Variants in DPYD observed in about 807,000 individuals in gnomAD.
The protein encoded by DPYD is dihydropyrimidine dehydrogenase, also known as dihydropyrimidine dehydrogenase [NADP(+)].
A neutral mutation model predicts 116.2 loss-of-function variants in DPYD; 109 were observed. The ratio of observed to expected loss-of-function variants is 0.94; its 90% CI spans 0.80 to 1.10. The LOEUF is 1.10. DPYD is among the 50% of genes least tolerant of loss of function. The probability of loss-of-function intolerance (pLI) is 0.00; values close to 1 mark genes in which losing one functional copy is unlikely to be tolerated. For synonymous variants in DPYD, 440 were observed against 432.0 expected (o/e 1.02, Z -0.23); for missense variants, 1,302 against 1,254.5 (o/e 1.04, Z -0.57).
chr1:97,453,780 G>A (rs1047863249), intron 13 of DPYD, among the ~76,000 whole-genome samples: 2 of 151,930 alleles, frequency 1.3e-5, no homozygotes, highest in Non-Finnish European at 2.9e-5. Context: ...TCTACGATGT[G>A]GTGTTAAACT....
chr1:97,723,222 A>T (rs1159285911), intron 4 of DPYD, among the ~76,000 whole-genome samples: 1 of 151,612 alleles, frequency 6.6e-6, no homozygotes, highest in Admixed American at 6.6e-5. Context: ...GCCATGTAAG[A>T]ATGGTTCTTC....
At chr1:97,866,903 G>A (rs1355078460) in intron 2 of DPYD, among the ~76,000 whole-genome samples, 1 of 151,852 alleles carries the variant, frequency 6.6e-6, no homozygotes, top group Non-Finnish European at 1.5e-5. Flanking sequence ...CCAGAAGACA[G>A]TGACTAGGAG....
intron 11 of DPYD, among the ~76,000 whole-genome samples, chr1:97,549,989 A>G (rs1287968632): frequency 1.3e-5 from 2 of 152,208 alleles, no homozygotes; most frequent in African/African-American, 2.4e-5. Context: ...TCAATGTTTC[A>G]GAGCGGACAT....
intron 12 of DPYD, among the ~76,000 whole-genome samples, chr1:97,525,892 G>C (rs1288972389): frequency 7.1e-6 from 1 of 140,176 alleles, no homozygotes; most frequent in African/African-American, 2.6e-5. Context: ...GTGTGCGCGC[G>C]CGCGTGTGTG....
intron 8 of DPYD, among the ~76,000 whole-genome samples, chr1:97,657,118 C>A (rs1244632860): frequency 6.6e-6 from 1 of 152,002 alleles, no homozygotes; most frequent in African/African-American, 2.4e-5. Context: ...CAGGTGCAAG[C>A]CACTGCACCC....
chr1:97,751,409 C>G (rs780424246), intron 3 of DPYD, among the ~76,000 whole-genome samples: 1 of 75,082 alleles, frequency 1.3e-5, no homozygotes, highest in Non-Finnish European at 2.8e-5. Context: ...TACATATATA[C>G]GTGTATATAT....
At chr1:97,917,352 A>G (rs1369627738) in intron 1 of DPYD, among the ~76,000 whole-genome samples, 1 of 152,162 alleles carries the variant, frequency 6.6e-6, no homozygotes, top group Admixed American at 6.5e-5. Context: ...TTTTTTTGCC[A>G]TCTCTGCCAA....
intron 8 of DPYD, among the ~76,000 whole-genome samples, chr1:97,664,383 A>G (rs1314304962): frequency 2.0e-5 from 3 of 151,988 alleles, no homozygotes; most frequent in African/African-American, 7.2e-5. Context: ...CAAAACATAT[A>G]TATGTGTGTG....
At chr1:97,323,533 T>C (rs1051227265) in intron 16 of DPYD, among the ~76,000 whole-genome samples, 22 of 123,374 alleles carry the variant, frequency 1.8e-4, no homozygotes, top group Admixed American at 2.4e-4. Flanking sequence ...CACATATATA[T>C]ACATATCATA....
chr1:97,298,465 T>C (rs1488203714), intron 18 of DPYD, among the ~76,000 whole-genome samples: 1 of 151,896 alleles, frequency 6.6e-6, no homozygotes, highest in Non-Finnish European at 1.5e-5. Flanking sequence ...TAAATAAAAA[T>C]ATTTTTCTTT....
intron 19 of DPYD, among the ~76,000 whole-genome samples, chr1:97,230,048 A>G (rs1009428016): frequency 2.0e-5 from 3 of 152,230 alleles, no homozygotes; most frequent in Non-Finnish European, 2.9e-5. Flanking sequence ...CAAGCAGTCA[A>G]TACATGGGGT....
intron 2 of DPYD, among the ~76,000 whole-genome samples, chr1:97,845,087 C>T (rs116072346): frequency 0.014 from 2,131 of 152,290 alleles, 20 homozygotes; most frequent in Non-Finnish European, 0.021. Context: ...CACAAATAGC[C>T]TGGGCACTGT....
chr1:97,642,871 T>C (rs1479465624), intron 8 of DPYD, among the ~76,000 whole-genome samples: 2 of 150,934 alleles, frequency 1.3e-5, no homozygotes, highest in East Asian at 1.9e-4. Context: ...CCCTAAAACT[T>C]GAAGTATAAT....
intron 13 of DPYD, among the ~76,000 whole-genome samples, chr1:97,511,007 C>A (rs1488719138): frequency 2.0e-5 from 3 of 151,872 alleles, no homozygotes; most frequent in Non-Finnish European, 4.4e-5. Context: ...CCACATGAGG[C>A]TCCAGACACA....
chr1:97,827,875 C>T (rs928468632), intron 3 of DPYD, among the ~76,000 whole-genome samples: 7 of 152,068 alleles, frequency 4.6e-5, no homozygotes, highest in African/African-American at 1.7e-4. Context: ...AAACAAGACA[C>T]CCCTTAAGCA....
At chr1:97,671,880 T>G (rs1212775240) in intron 8 of DPYD, among the ~76,000 whole-genome samples, 1 of 150,548 alleles carries the variant, frequency 6.6e-6, no homozygotes, top group Non-Finnish European at 1.5e-5. Flanking sequence ...AAACTTTTCT[T>G]TTCTTTTCTT....
chr1:97,264,162 GTTTTTTTTTTT>G (rs71071641), intron 18 of DPYD, among the ~76,000 whole-genome samples: 8,679 of 60,466 alleles, frequency 0.14, 720 homozygotes, highest in African/African-American at 0.3. Context: ...GCAAAATTCT[GTTTTTTTTTTT>G]TTTTTTTTTT....
chr1:97,626,707 C>A (rs1490834414), intron 8 of DPYD, among the ~76,000 whole-genome samples: 1 of 151,894 alleles, frequency 6.6e-6, no homozygotes, highest in Admixed American at 6.6e-5. Context: ...TCCGCATTAG[C>A]CTGACCATTA....
At chr1:97,818,141 T>C (rs1668729893) in intron 3 of DPYD, among the ~76,000 whole-genome samples, 2 of 152,046 alleles carry the variant, frequency 1.3e-5, no homozygotes, top group African/African-American at 4.8e-5. Flanking sequence ...TTCAAACAGA[T>C]ACATTCTGTA....
Sources: allele counts gnomAD v4.1 joint callset (sites outside exome capture counted in the v4.1 genomes callset), GRCh38; gene constraint gnomAD v4.1.1; transcripts MANE v1.5; gene names NCBI Gene and HGNC (gene_info 2026-07-23, HGNC 2026-07-21).